Variants in ADK observed in about 807,000 individuals in gnomAD.
The protein encoded by ADK is adenosine kinase.
ADK carries 24 observed loss-of-function variants against 44.7 expected under a neutral mutation model. The observed-to-expected ratio is 0.54, with a 90% confidence interval of 0.39 to 0.76. The LOEUF (loss-of-function observed/expected upper bound fraction) is 0.76. ADK is among the 30% of genes least tolerant of loss of function. The pLI, the probability that ADK is intolerant of heterozygous loss-of-function variation, is 0.00. For missense variants in ADK, 321 were observed against 425.1 expected, an observed-to-expected ratio of 0.76 and a Z score of 2.15; for synonymous variants, 128 against 142.6, an observed-to-expected ratio of 0.90 and a Z score of 0.73.
chr10:74,260,505 C>T (rs1186246314), intron 3 of ADK, among the ~76,000 whole-genome samples: 1 of 152,122 alleles, frequency 6.6e-6, no homozygotes, highest in Non-Finnish European at 1.5e-5. Context: ...TCAAGTGATC[C>T]TCCTGCCTTG....
intron 7 of ADK, among the ~76,000 whole-genome samples, chr10:74,552,008 T>TTTTTGTATTG (rs148472070): frequency 0.49 from 74,732 of 151,420 alleles, 22,889 homozygotes; most frequent in African/African-American, 0.85. Flanking sequence ...ATACCATGGT[T>TTTTTGTATTG]TTTTGTATTA....
chr10:74,275,932 T>A (rs963221195), intron 3 of ADK, among the ~76,000 whole-genome samples: 2 of 152,156 alleles, frequency 1.3e-5, no homozygotes, highest in Non-Finnish European at 2.9e-5. Flanking sequence ...TGAACCACTG[T>A]ACCCAGCCCT....
chr10:74,640,419 A>C (rs976822232), intron 9 of ADK, among the ~76,000 whole-genome samples: 1 of 152,234 alleles, frequency 6.6e-6, no homozygotes, highest in Non-Finnish European at 1.5e-5. Flanking sequence ...GTGTGGAATG[A>C]GTAAGCTGGA....
intron 3 of ADK, among the ~76,000 whole-genome samples, chr10:74,286,784 G>T (rs1034548209): frequency 3.9e-5 from 6 of 152,198 alleles, no homozygotes; most frequent in Non-Finnish European, 7.3e-5. Context: ...TGTGGCAAAT[G>T]ATTCGCATGT....
intron 4 of ADK, among the ~76,000 whole-genome samples, chr10:74,349,814 C>T (rs969209375): frequency 2.0e-5 from 3 of 151,760 alleles, no homozygotes; most frequent in Admixed American, 2.0e-4. Context: ...TCAAAAAAGA[C>T]AAAGAAGGGC....
At chr10:74,705,893 GA>G (rs1856587816) in intron 10 of ADK, among the ~76,000 whole-genome samples, 1 of 152,078 alleles carries the variant, frequency 6.6e-6, no homozygotes, top group Non-Finnish European at 1.5e-5. Flanking sequence ...TAATGATATT[GA>G]ACATTTTTTC....
Position 74,353,736 on chromosome 10 carries a change from C to T in ADK, c.273+38991C>T, listed in dbSNP as rs539382994. 3.8e-4 allele frequency among the ~76,000 whole-genome samples: 58 copies of T among 152,026 alleles called. No homozygotes were observed. In the South Asian group the frequency reaches 9.2e-3, roughly 24 times the overall value. On this transcript the variant is annotated intron_variant, in intron 4 of 10. Coordinates refer to ENST00000539909, the MANE Select transcript of ADK (RefSeq NM_006721.4). Reference sequence around the variant, plus strand: ...ACAAAAAATTAGCCAGGCGTGGTGGCGGGCATCTGTAGTCCCAGCTACTTG... The same window carrying T: ...ACAAAAAATTAGCCAGGCGTGGTGGTGGGCATCTGTAGTCCCAGCTACTTG...
intron 7 of ADK, chr10:74,551,300 C>T (rs1019978703): frequency 6.6e-5 from 10 of 152,114 alleles, no homozygotes; most frequent in African/African-American, 2.4e-4. Context: ...ACAATAACAC[C>T]TCTAGAAGAA....
intron 3 of ADK, 127 bp downstream of exon 3, chr10:74,224,718 C>A: frequency 1.3e-6 from 1 of 763,270 alleles, no homozygotes; most frequent in Non-Finnish European, 2.3e-6. Context: ...TGACCTTAAT[C>A]CTAACAATTA....
chr10:74,613,073 C>G (rs1852616463), intron 9 of ADK, among the ~76,000 whole-genome samples: 2 of 152,008 alleles, frequency 1.3e-5, no homozygotes, highest in South Asian at 4.2e-4. Flanking sequence ...ATGCTTCTGG[C>G]TTCGTTTTTT....
At chr10:74,513,118 T>A (rs1848412757) in intron 6 of ADK, among the ~76,000 whole-genome samples, 1 of 152,166 alleles carries the variant, frequency 6.6e-6, no homozygotes, top group African/African-American at 2.4e-5. Flanking sequence ...TGTGTTCAGA[T>A]AAGTACTTGA....
intron 7 of ADK, among the ~76,000 whole-genome samples, chr10:74,573,507 T>A (rs1172579884): frequency 2.6e-5 from 4 of 152,210 alleles, no homozygotes; most frequent in Non-Finnish European, 5.9e-5. Context: ...TCCATCTGCG[T>A]GCTGGGAGAA....
At chr10:74,334,663 C>T (rs1014498840) in intron 4 of ADK, among the ~76,000 whole-genome samples, 7 of 152,086 alleles carry the variant, frequency 4.6e-5, no homozygotes, top group African/African-American at 1.4e-4. Context: ...TTGCCTTTTC[C>T]GGTGACTTGT....
intron 4 of ADK, among the ~76,000 whole-genome samples, chr10:74,379,627 C>T (rs972084619): frequency 6.6e-6 from 1 of 152,238 alleles, no homozygotes; most frequent in Non-Finnish European, 1.5e-5. Flanking sequence ...TTTCCTGCCT[C>T]AGATGCTTTG....
chr10:74,615,996 A>G (rs530370935), intron 9 of ADK, among the ~76,000 whole-genome samples: 9 of 152,294 alleles, frequency 5.9e-5, no homozygotes, highest in South Asian at 2.1e-4. Context: ...GGCGTGAGCC[A>G]TCGTGCCTGG....
At chr10:74,344,121 A>G (rs2131883213) in intron 4 of ADK, among the ~76,000 whole-genome samples, 1 of 152,322 alleles carries the variant, frequency 6.6e-6, no homozygotes, top group Non-Finnish European at 1.5e-5. Context: ...TTCTCATATG[A>G]GTATCAGTCT....
intron 6 of ADK, among the ~76,000 whole-genome samples, chr10:74,512,355 TG>T (rs1358797705): frequency 2.0e-5 from 3 of 151,658 alleles, no homozygotes; most frequent in Non-Finnish European, 2.9e-5. Flanking sequence ...TGGAATAATT[TG>T]GGACAAATTG....
At chr10:74,462,843 C>A (rs1360862209) in intron 6 of ADK, among the ~76,000 whole-genome samples, 1 of 152,010 alleles carries the variant, frequency 6.6e-6, no homozygotes, top group Non-Finnish European at 1.5e-5. Flanking sequence ...GGACAGAAAT[C>A]TATATTAAGG....
intron 3 of ADK, among the ~76,000 whole-genome samples, chr10:74,305,991 C>G (rs1840234436): frequency 6.6e-6 from 1 of 152,076 alleles, no homozygotes; most frequent in Non-Finnish European, 1.5e-5. Context: ...TCCCAAAATG[C>G]TGAGATTATA....
Sources: allele counts gnomAD v4.1 joint callset (sites outside exome capture counted in the v4.1 genomes callset), GRCh38; gene constraint gnomAD v4.1.1; transcripts MANE v1.5; gene names NCBI Gene and HGNC (gene_info 2026-07-23, HGNC 2026-07-21).